CHORDC1: variants seen among roughly 807,000 people sequenced by gnomAD.
CHORDC1 encodes the protein cysteine and histidine-rich domain-containing protein 1.
CHORDC1 carries 25 observed loss-of-function variants against 48.3 expected under a neutral mutation model. The ratio of observed to expected loss-of-function variants is 0.52; its 90% CI spans 0.38 to 0.72. The LOEUF is 0.72. Ranked by LOEUF, CHORDC1 falls within the 30% of genes least tolerant of loss-of-function variation. CHORDC1 has a pLI of 0.00. For synonymous variants in CHORDC1, 128 were observed against 126.4 expected (o/e 1.01, Z -0.09); for missense variants, 317 against 388.7 (o/e 0.82, Z 1.55).
intron 6 of CHORDC1, chr11:90,208,666 C>T (rs916809908): frequency 1.3e-5 from 2 of 152,016 alleles, no homozygotes. Context: ...ACAGAAAAAA[C>T]ATATGTTGAC....
chr11:90,206,657 C>G, intron 6 of CHORDC1: 1 of 538,254 alleles, frequency 1.9e-6, no homozygotes, highest in Non-Finnish European at 3.0e-6. Flanking sequence ...TAAGTATTGT[C>G]AAATAATATG....
rs141990559 is a variant in CHORDC1 at position 90,218,484 on chromosome 11, A to C, written c.65-300T>G. ...AAATTTGTTTAGTACCAAAACTTCA[A>C]ACCCCCAAATTTTGACCATCATTTT... On this transcript the variant is annotated intron_variant, in intron 1 of 10. Coordinates refer to ENST00000320585, the MANE Select transcript of CHORDC1 (RefSeq NM_012124.3). Among the ~76,000 whole-genome samples, 1,399 of 152,282 alleles carry C rather than the reference A, an allele frequency of 9.2e-3. 28 individuals are homozygous for C. The highest frequency in any genetic ancestry group is 0.032 in the African/African-American group (1,337 of 41,556).
Position 90,205,697 on chromosome 11 carries a change from G to A in CHORDC1, c.564-132C>T, listed in dbSNP as rs551917004. On this transcript the variant is annotated intron_variant, in intron 7 of 10. Coordinates refer to ENST00000320585, the MANE Select transcript of CHORDC1 (RefSeq NM_012124.3). ...ACTCTAGCATTTTACAAGTGTCTAA[G>A]TTACTAAAAATGAATGTACAGTATA... 8.0e-6 allele frequency: 5 copies of A among 626,470 alleles called. No homozygotes were observed. The East Asian group carries it at 8.5e-5, about 11-fold the overall frequency. The allele number at this position is 626,470 out of a possible 1,614,324, so 38.8% of individuals were successfully genotyped here.
At chr11:90,205,829 G>A (rs492848) in intron 7 of CHORDC1, 5 of 460,148 alleles carry the variant, frequency 1.1e-5, no homozygotes, top group Admixed American at 8.1e-5. Context: ...ATGCGGAAAA[G>A]TATGGGTCGT....
intron 6 of CHORDC1, among the ~76,000 whole-genome samples, chr11:90,210,107 G>A (rs970383014): frequency 1.3e-5 from 2 of 152,124 alleles, no homozygotes; most frequent in African/African-American, 4.8e-5. Flanking sequence ...GAAGATTTCT[G>A]ATTTAGTGTT....
At chr11:90,210,267 T>C (rs1363880152) in intron 6 of CHORDC1, among the ~76,000 whole-genome samples, 1 of 152,200 alleles carries the variant, frequency 6.6e-6, no homozygotes, top group Non-Finnish European at 1.5e-5. Flanking sequence ...ATGTTTGCTT[T>C]ATTTGATACT....
chr11:90,210,865 C>CAA (rs1357761860), intron 5 of CHORDC1: 1 of 377,164 alleles, frequency 2.7e-6, no homozygotes, highest in Non-Finnish European at 4.7e-6. Flanking sequence ...GGGTGTTTTC[C>CAA]TCCCATGGTA....
chr11:90,220,960 AAC>A (rs1858156150), intron 1 of CHORDC1, among the ~76,000 whole-genome samples: 1 of 152,098 alleles, frequency 6.6e-6, no homozygotes, highest in East Asian at 1.9e-4. Flanking sequence ...GTCTCCCTTA[AAC>A]ACCCTTTAAC....
intron 1 of CHORDC1, chr11:90,222,463 C>G: frequency 2.7e-6 from 1 of 367,000 alleles, no homozygotes; most frequent in Non-Finnish European, 5.3e-6. Context: ...CCGGCCACCT[C>G]TCCCTCTCGC....
chr11:90,222,876 G>C lies in CHORDC1; in HGVS notation c.64+15C>G. ...AGGTGGAGGGGAGGGAGGGCTGGCG[G>C]CGCGTTCCTCTTACCGTCGGAATTG... On this transcript the variant is annotated intron_variant, in intron 1 of 10. Coordinates refer to ENST00000320585, the MANE Select transcript of CHORDC1 (RefSeq NM_012124.3). 1.2e-6 allele frequency: 2 copies of C among 1,612,426 alleles called. No individual in the cohort carries two copies. The highest frequency in any genetic ancestry group is 1.7e-6 in the Non-Finnish European group (2 of 1,178,750).
At chr11:90,211,551 T>A in intron 4 of CHORDC1, 2 of 366,532 alleles carry the variant, frequency 5.5e-6, no homozygotes, top group South Asian at 5.8e-5. Flanking sequence ...CACGCTATTG[T>A]CAGCATATTT....
rs1278083564 is a variant in CHORDC1 at position 90,200,589 on chromosome 11, G to T, written c.*1816C>A. Among the ~76,000 whole-genome samples the T allele has an allele frequency of 6.6e-6, 1 of 151,836 alleles. No homozygotes were observed. The highest frequency in any genetic ancestry group is 1.5e-5 in the Non-Finnish European group (1 of 67,854). On this transcript the variant is annotated 3_prime_UTR_variant, in exon 11 of 11. Transcript: ENST00000320585. ...AAGAAATTCAAAGGCTCCTTAAGAA[G>T]AAAGTAAATACCATGGTCACTAATG...
At chr11:90,206,926 A>G (rs1857712230) in intron 6 of CHORDC1, 1 of 414,924 alleles carries the variant, frequency 2.4e-6, no homozygotes, top group African/African-American at 2.1e-5. Flanking sequence ...TTCTGTGTTT[A>G]TCTTTTATAA....
chr11:90,214,223 T>C, intron 3 of CHORDC1, 48 bp from the exon 4 acceptor site: 2 of 1,346,454 alleles, frequency 1.5e-6, no homozygotes, highest in Non-Finnish European at 2.0e-6. Context: ...TTACATTTCA[T>C]GATAGAAATA....
intron 1 of CHORDC1, among the ~76,000 whole-genome samples, chr11:90,219,840 A>C (rs1012691567): frequency 2.6e-5 from 4 of 152,166 alleles, no homozygotes; most frequent in Non-Finnish European, 5.9e-5. Flanking sequence ...AATTTGCAAG[A>C]TGGAGTACTA....
At chr11:90,205,716 C>T in intron 7 of CHORDC1, 151 bp from the exon 8 acceptor site, 1 of 594,450 alleles carries the variant, frequency 1.7e-6, no homozygotes, top group Non-Finnish European at 3.0e-6. Flanking sequence ...AATGAATGTA[C>T]AGTATATCAG....
intron 6 of CHORDC1, chr11:90,206,656 T>C: frequency 1.9e-6 from 1 of 528,478 alleles, no homozygotes; most frequent in Non-Finnish European, 3.1e-6. Flanking sequence ...GTAAGTATTG[T>C]CAAATAATAT....
chr11:90,221,379 C>T (rs1473762595), intron 1 of CHORDC1, among the ~76,000 whole-genome samples: 4 of 152,154 alleles, frequency 2.6e-5, no homozygotes, highest in African/African-American at 9.7e-5. Context: ...AGTAAATATA[C>T]TTATTGGAAT....
intron 6 of CHORDC1, 35 bp from the exon 7 acceptor site, chr11:90,206,307 C>G (rs558923590): frequency 8.6e-7 from 1 of 1,161,374 alleles, no homozygotes; most frequent in Non-Finnish European, 1.3e-6. Context: ...AAATTAGCTG[C>G]GTATCTTACA....
Sources: allele counts gnomAD v4.1 joint callset (sites outside exome capture counted in the v4.1 genomes callset), GRCh38; gene constraint gnomAD v4.1.1; transcripts MANE v1.5; gene names NCBI Gene and HGNC (gene_info 2026-07-23, HGNC 2026-07-21).